CDK14: variants seen among roughly 807,000 people sequenced by gnomAD.
The protein encoded by CDK14 is cyclin-dependent kinase 14.
In CDK14, 34 loss-of-function variants were observed where a neutral mutation model predicts 60.7. The observed-to-expected ratio is 0.56, with a 90% confidence interval of 0.43 to 0.75. The LOEUF (loss-of-function observed/expected upper bound fraction) is 0.75, where lower values mean the gene tolerates loss of function less well. CDK14 is among the 30% of genes least tolerant of loss of function. The pLI, the probability that CDK14 is intolerant of heterozygous loss-of-function variation, is 0.00. For missense variants in CDK14, 482 were observed against 564.1 expected, an observed-to-expected ratio of 0.85 and a Z score of 1.47; for synonymous variants, 197 against 203.7, an observed-to-expected ratio of 0.97 and a Z score of 0.28.
chr7:90,781,892 T>C (rs1371747325), intron 4 of CDK14, among the ~76,000 whole-genome samples: 15 of 152,220 alleles, frequency 9.9e-5, no homozygotes, highest in Admixed American at 4.6e-4. Flanking sequence ...ATTGACTTGG[T>C]GATGCGGGCT....
chr7:90,988,694 C>T (rs1372973524), intron 10 of CDK14, among the ~76,000 whole-genome samples: 5 of 152,128 alleles, frequency 3.3e-5, no homozygotes, highest in Admixed American at 3.3e-4. Flanking sequence ...GCAGGGAATG[C>T]TTGCACAGCT....
intron 6 of CDK14, among the ~76,000 whole-genome samples, chr7:90,889,227 T>G (rs996289349): frequency 6.6e-6 from 1 of 152,366 alleles, no homozygotes; most frequent in Non-Finnish European, 1.5e-5. Flanking sequence ...ACTTGAACTA[T>G]TAAAGCATGA....
chr7:91,033,778 A>G lies in CDK14; in HGVS notation c.1042-12119A>G, dbSNP rs148395187. Among the ~76,000 whole-genome samples the G allele has an allele frequency of 3.9e-5, 6 of 152,354 alleles. No homozygotes were observed. In the East Asian group the frequency reaches 1.2e-3, roughly 29 times the overall value. On this transcript the variant is annotated intron_variant, in intron 10 of 14. Transcript: ENST00000380050. ...CCCTTGGGCTGCTGCACGTGCACGT[A>G]CATTTCCACTGCTGTGGCTCCCACA...
At chr7:90,885,008 T>C (rs1488776587) in intron 6 of CDK14, among the ~76,000 whole-genome samples, 2 of 152,056 alleles carry the variant, frequency 1.3e-5, no homozygotes, top group Non-Finnish European at 2.9e-5. Context: ...GGCTGTACTA[T>C]CCAGTACATA....
chr7:91,096,310 TG>T (rs1299044975), intron 12 of CDK14, among the ~76,000 whole-genome samples: 1 of 152,204 alleles, frequency 6.6e-6, no homozygotes, highest in Non-Finnish European at 1.5e-5. Flanking sequence ...TCACTGGCTC[TG>T]GCAAAGCCAA....
chr7:91,196,909 T>C lies in CDK14; in HGVS notation c.*29-10256T>C, dbSNP rs533465585. ...TCAGTGTCTCAGATTTGTAAAACTTTTGTGACTCACACTTTCAGATAGGAG... is the reference window on the plus strand; with the variant it reads ...TCAGTGTCTCAGATTTGTAAAACTTCTGTGACTCACACTTTCAGATAGGAG... On this transcript the variant is annotated intron_variant, in intron 14 of 14. Coordinates refer to ENST00000380050, the MANE Select transcript of CDK14 (RefSeq NM_001287135.2). Among the ~76,000 whole-genome samples the C allele has an allele frequency of 9.8e-5, 15 of 152,372 alleles. No individual in the cohort carries two copies. The East Asian group carries it at 2.3e-3, about 23-fold the overall frequency.
At chr7:90,600,675 G>A (rs1307208364) in intron 1 of CDK14, among the ~76,000 whole-genome samples, 2 of 152,188 alleles carry the variant, frequency 1.3e-5, no homozygotes, top group Non-Finnish European at 2.9e-5. Context: ...AAGGTTAAAT[G>A]TTCAGACACA....
intron 11 of CDK14, among the ~76,000 whole-genome samples, chr7:91,078,694 T>G (rs1798393360): frequency 6.6e-6 from 1 of 152,244 alleles, no homozygotes; most frequent in Non-Finnish European, 1.5e-5. Context: ...GGGTAATGTT[T>G]ATTGTAAAAT....
At chr7:90,679,172 A>C (rs1333333786) in intron 2 of CDK14, among the ~76,000 whole-genome samples, 2 of 152,126 alleles carry the variant, frequency 1.3e-5, no homozygotes, top group Non-Finnish European at 2.9e-5. Flanking sequence ...CGCTGGTATC[A>C]AATTCCTGGG....
intron 9 of CDK14, chr7:90,979,615 C>T (rs1013407587): frequency 3.9e-5 from 6 of 152,174 alleles, no homozygotes; most frequent in Non-Finnish European, 8.8e-5. Flanking sequence ...AGTTTACCGA[C>T]CTTACGAACA....
intron 2 of CDK14, among the ~76,000 whole-genome samples, chr7:90,671,123 G>A (rs955213940): frequency 6.6e-6 from 1 of 152,014 alleles, no homozygotes. Context: ...GATGGCTCCC[G>A]TTTCCCACCC....
chr7:91,134,269 C>G (rs1389953643), intron 14 of CDK14, among the ~76,000 whole-genome samples: 1 of 152,148 alleles, frequency 6.6e-6, no homozygotes, highest in Non-Finnish European at 1.5e-5. Context: ...TTGACTATAG[C>G]TCAACAGCTT....
intron 11 of CDK14, among the ~76,000 whole-genome samples, chr7:91,062,611 G>T (rs1797838261): frequency 2.0e-5 from 3 of 152,148 alleles, no homozygotes; most frequent in Non-Finnish European, 4.4e-5. Flanking sequence ...TCACATAGCT[G>T]ATGATGCTAG....
At chr7:91,159,242 A>G (rs1801091432) in intron 14 of CDK14, among the ~76,000 whole-genome samples, 2 of 152,234 alleles carry the variant, frequency 1.3e-5, no homozygotes, top group African/African-American at 2.4e-5. Flanking sequence ...GCCAAGAAAA[A>G]TGAAGGTGAT....
intron 2 of CDK14, among the ~76,000 whole-genome samples, chr7:90,658,580 T>C (rs1227598411): frequency 2.0e-5 from 3 of 152,228 alleles, no homozygotes; most frequent in Non-Finnish European, 4.4e-5. Flanking sequence ...TGTCACTGTG[T>C]TCTTTCATTT....
At chr7:91,146,604 T>C (rs1229755150) in intron 14 of CDK14, among the ~76,000 whole-genome samples, 1 of 152,212 alleles carries the variant, frequency 6.6e-6, no homozygotes, top group African/African-American at 2.4e-5. Flanking sequence ...TTAATACGTA[T>C]TCAATATCTG....
intron 8 of CDK14, among the ~76,000 whole-genome samples, chr7:90,937,769 G>A (rs373783922): frequency 1.3e-5 from 2 of 152,174 alleles, no homozygotes; most frequent in East Asian, 3.9e-4. Flanking sequence ...TTGGTTCATG[G>A]AGCATAATTT....
intron 14 of CDK14, among the ~76,000 whole-genome samples, chr7:91,204,360 G>C (rs62468539): frequency 0.01 from 1,524 of 152,022 alleles, 15 homozygotes; most frequent in Non-Finnish European, 0.016. Context: ...CATAACCTTA[G>C]ATTTCACAAT....
intron 5 of CDK14, among the ~76,000 whole-genome samples, chr7:90,834,085 A>G (rs1790009839): frequency 6.6e-6 from 1 of 152,184 alleles, no homozygotes; most frequent in Non-Finnish European, 1.5e-5. Flanking sequence ...TTGTCATCAT[A>G]TGGTCTTAGG....
Sources: gnomAD v4.1 joint callset for allele counts (sites outside exome capture counted in the v4.1 genomes callset) on GRCh38, gnomAD v4.1.1 for gene constraint, MANE v1.5 for transcripts, NCBI Gene and HGNC (gene_info 2026-07-23, HGNC 2026-07-21) for gene names.